Variants in DACH2 observed in about 807,000 individuals in gnomAD.
DACH2 encodes the protein dachshund family transcription factor 2, also known as dachshund homolog 2.
In DACH2, 17 loss-of-function variants were observed where a neutral mutation model predicts 35.8. That is an observed-to-expected ratio of 0.48 (90% CI 0.33 to 0.71). DACH2 has a LOEUF of 0.71. Among genes scored for constraint, DACH2 ranks in the 30% least tolerant of loss-of-function variants. The pLI is 0.02. For synonymous variants in DACH2, 195 were observed against 177.3 expected, an observed-to-expected ratio of 1.10 and a Z score of -0.79; for missense variants, 469 against 472.7, an observed-to-expected ratio of 0.99 and a Z score of 0.07.
intron 1 of DACH2, among the ~76,000 whole-genome samples, chrX:86,309,451 A>G (rs143804570): frequency 6.5e-5 from 7 of 107,280 alleles, no homozygotes; most frequent in African/African-American, 2.5e-4. Flanking sequence ...TTACTGTCCT[A>G]CCACAGGGGT....
At chrX:86,287,847 C>T (rs770818271) in intron 1 of DACH2, among the ~76,000 whole-genome samples, 20 of 112,293 alleles carry the variant, frequency 1.8e-4, no homozygotes, top group African/African-American at 6.1e-4. Context: ...AATTCTCTAT[C>T]TAAAAGGTCA....
At chrX:86,196,383 C>T (rs1323936414) in intron 1 of DACH2, among the ~76,000 whole-genome samples, 3 of 110,580 alleles carry the variant, frequency 2.7e-5, no homozygotes, top group Admixed American at 9.7e-5. Context: ...GACAAGAATA[C>T]AGAAATAAGA....
chrX:86,408,192 T>C (rs1379452163), intron 2 of DACH2, among the ~76,000 whole-genome samples: 2 of 111,922 alleles, frequency 1.8e-5, no homozygotes, highest in Non-Finnish European at 3.8e-5. Flanking sequence ...TATGGTACCA[T>C]TTGAATACAG....
chrX:86,392,373 T>C (rs1264362509), intron 2 of DACH2, among the ~76,000 whole-genome samples: 1 of 111,777 alleles, frequency 8.9e-6, no homozygotes, highest in Non-Finnish European at 1.9e-5. Context: ...GAATAAACCA[T>C]AAAATAATCC....
intron 7 of DACH2, among the ~76,000 whole-genome samples, chrX:86,755,138 A>G (rs1367708371): frequency 9.0e-6 from 1 of 111,639 alleles, no homozygotes; most frequent in Non-Finnish European, 1.9e-5. Context: ...GTAAGAAGGT[A>G]TCTCATTGTG....
chrX:86,577,922 T>G (rs2039455504), intron 3 of DACH2, among the ~76,000 whole-genome samples: 1 of 112,128 alleles, frequency 8.9e-6, no homozygotes, highest in African/African-American at 3.2e-5. Flanking sequence ...ACCATATACC[T>G]TGACCTATTC....
intron 3 of DACH2, among the ~76,000 whole-genome samples, chrX:86,583,851 C>T (rs1201017818): frequency 9.1e-6 from 1 of 109,717 alleles, no homozygotes; most frequent in Non-Finnish European, 1.9e-5. Flanking sequence ...GTTTATGTTT[C>T]CATATTGTTG....
intron 2 of DACH2, among the ~76,000 whole-genome samples, chrX:86,469,602 A>G (rs1418218890): frequency 9.0e-6 from 1 of 111,202 alleles, no homozygotes; most frequent in Non-Finnish European, 1.9e-5. Context: ...GTATAAAGTG[A>G]TAAGTATTAG....
chrX:86,745,535 C>A (rs2041702700), intron 7 of DACH2, among the ~76,000 whole-genome samples: 1 of 111,255 alleles, frequency 9.0e-6, no homozygotes, highest in African/African-American at 3.3e-5. Flanking sequence ...TCTGTTCCTG[C>A]ATTAGTTCTC....
chrX:86,218,485 T>C, intron 1 of DACH2, among the ~76,000 whole-genome samples: 1 of 112,081 alleles, frequency 8.9e-6, no homozygotes, highest in Admixed American at 9.5e-5. Context: ...TTCTACTGTA[T>C]TGATTGACTT....
chrX:86,732,103 G>T (rs1411655411), intron 6 of DACH2, among the ~76,000 whole-genome samples: 1 of 111,855 alleles, frequency 8.9e-6, no homozygotes, highest in African/African-American at 3.2e-5. Flanking sequence ...TTCATCATTG[G>T]AGAAAGTTCC....
intron 1 of DACH2, among the ~76,000 whole-genome samples, chrX:86,299,588 G>C (rs1157959436): frequency 4.5e-5 from 5 of 111,823 alleles, no homozygotes; most frequent in Non-Finnish European, 9.4e-5. Flanking sequence ...GTTGCTTTAG[G>C]CTGGGTTTGT....
At chrX:86,214,833 T>C (rs1314412555) in intron 1 of DACH2, among the ~76,000 whole-genome samples, 3 of 111,648 alleles carry the variant, frequency 2.7e-5, no homozygotes, top group Non-Finnish European at 5.7e-5. Context: ...AGAAAATACA[T>C]AGTCATTTGG....
At chrX:86,807,438 C>T (rs7064434) in intron 7 of DACH2, among the ~76,000 whole-genome samples, 25,039 of 110,953 alleles carry the variant, frequency 0.23, 2,581 homozygotes, top group African/African-American at 0.39. Flanking sequence ...GGTTAAGCAA[C>T]TTTCCCAGGG....
intron 1 of DACH2, among the ~76,000 whole-genome samples, chrX:86,183,704 A>ATAAAAT (rs2031581582): frequency 9.0e-6 from 1 of 111,588 alleles, no homozygotes; most frequent in African/African-American, 3.3e-5. Flanking sequence ...TGAATTAGGG[A>ATAAAAT]GGAGTCCCTC....
intron 3 of DACH2, among the ~76,000 whole-genome samples, chrX:86,625,672 G>A (rs1187943710): frequency 9.0e-6 from 1 of 111,368 alleles, no homozygotes; most frequent in Non-Finnish European, 1.9e-5. Flanking sequence ...GGCTAGGGAG[G>A]CCTCACCATT....
At position 86,593,257 on chromosome X, in the gene DACH2, G is replaced by A. The variant is rs199894097; in HGVS notation, c.641-57779G>A. On this transcript the variant is annotated intron_variant, in intron 3 of 11. Coordinates refer to ENST00000373125, the MANE Select transcript of DACH2 (RefSeq NM_053281.3). Reference sequence around the variant, plus strand: ...GTTTTATTTTGTAAACTGGTTTTTCGCATCTATTAATTTTATCATATTATT... The same window carrying A: ...GTTTTATTTTGTAAACTGGTTTTTCACATCTATTAATTTTATCATATTATT... 1.2e-4 allele frequency among the ~76,000 whole-genome samples: 13 copies of A among 109,237 alleles called. No homozygotes were observed. The East Asian group carries it at 1.7e-3, about 14-fold the overall frequency. The allele number at this position is 109,237 out of a possible 115,157, so 94.9% of individuals were successfully genotyped here.
intron 1 of DACH2, among the ~76,000 whole-genome samples, chrX:86,266,813 A>G (rs2033721191): frequency 9.1e-6 from 1 of 109,950 alleles, no homozygotes; most frequent in Non-Finnish European, 1.9e-5. Flanking sequence ...ACTGCTCCAT[A>G]GCAGTGCCAT....
rs777673331 is a variant in DACH2, at chrX:86,279,050, C to T, written c.489-97774C>T. On this transcript the variant is annotated intron_variant, in intron 1 of 11. Transcript: ENST00000373125. ...TAAAGGCATCAGCTCCAGTCAGGGG[C>T]TTATAGATAAAACTCCCATCTCCCT... Among the ~76,000 whole-genome samples the T allele has an allele frequency of 8.9e-5, 10 of 112,100 alleles. 1 individual carries two copies. In the South Asian group the frequency reaches 3.7e-3, roughly 42 times the overall value.
Sources: allele counts gnomAD v4.1 joint callset (sites outside exome capture counted in the v4.1 genomes callset), GRCh38; gene constraint gnomAD v4.1.1; transcripts MANE v1.5; gene names NCBI Gene and HGNC (gene_info 2026-07-23, HGNC 2026-07-21).